Variants in UST observed in about 807,000 individuals in gnomAD.
The protein encoded by UST is uronyl 2-sulfotransferase.
In UST, 21 loss-of-function variants were observed where a neutral mutation model predicts 45.6. The ratio of observed to expected loss-of-function variants is 0.46; its 90% CI spans 0.33 to 0.66. The LOEUF (loss-of-function observed/expected upper bound fraction) is 0.66, where lower values mean the gene tolerates loss of function less well. Ranked by LOEUF, UST falls within the 30% of genes least tolerant of loss-of-function variation. The pLI, the probability that UST is intolerant of heterozygous loss-of-function variation, is 0.02. For synonymous variants in UST, 215 were observed against 200.6 expected, an observed-to-expected ratio of 1.07 and a Z score of -0.61; for missense variants, 463 against 512.4, an observed-to-expected ratio of 0.90 and a Z score of 0.93.
In UST at chr6:148,906,568, A is replaced by G. The variant is rs543556364; in HGVS notation, c.291+19539A>G. On this transcript the variant is annotated intron_variant, in intron 2 of 7. Coordinates refer to ENST00000367463, the MANE Select transcript of UST (RefSeq NM_005715.3). ...GAGAGATGTTATTAGCTTGACTGCC[A>G]TTGTATTAGGTTGGTGCAAAAGTGA... Among the ~76,000 whole-genome samples, 5 of 152,312 alleles carry G rather than the reference A, an allele frequency of 3.3e-5. No homozygotes were observed. In the East Asian group the frequency reaches 5.8e-4, roughly 18 times the overall value.
rs115539124 is a variant in UST at position 148,762,459 on chromosome 6, A to G, written c.247+14782A>G. On this transcript the variant is annotated intron_variant, in intron 1 of 7. Transcript: ENST00000367463. ...TCTGTCATAGAGTGTATGTTTAGCC[A>G]TGTTTTCAGGGGTGCTTCCTAGCGT... 3.7e-3 allele frequency among the ~76,000 whole-genome samples: 554 copies of G among 151,546 alleles called. 2 individuals are homozygous for G. The highest frequency in any genetic ancestry group is 0.013 in the African/African-American group (523 of 41,220).
chr6:148,860,293 G>C (rs1433372810), intron 1 of UST, among the ~76,000 whole-genome samples: 2 of 152,126 alleles, frequency 1.3e-5, no homozygotes, highest in Non-Finnish European at 2.9e-5. Flanking sequence ...TTGGCTCTCT[G>C]TTTGTCTGTT....
intron 1 of UST, among the ~76,000 whole-genome samples, chr6:148,885,932 C>T (rs1161883308): frequency 6.6e-6 from 1 of 152,236 alleles, no homozygotes; most frequent in Non-Finnish European, 1.5e-5. Context: ...TTCTACATTT[C>T]ATTCCATTAG....
intron 7 of UST, among the ~76,000 whole-genome samples, chr6:149,025,607 T>C (rs1038278798): frequency 1.3e-5 from 2 of 152,200 alleles, no homozygotes; most frequent in Admixed American, 1.3e-4. Flanking sequence ...ACCTCACTGG[T>C]TGAACATATA....
At chr6:149,060,348 T>G (rs919440367) in intron 7 of UST, among the ~76,000 whole-genome samples, 4 of 152,196 alleles carry the variant, frequency 2.6e-5, no homozygotes, top group African/African-American at 9.7e-5. Flanking sequence ...AAGGTGGTCT[T>G]AACATGCCAT....
chr6:149,023,244 A>G (rs758065349), intron 7 of UST, among the ~76,000 whole-genome samples: 66 of 152,208 alleles, frequency 4.3e-4, no homozygotes, highest in Non-Finnish European at 7.4e-4. Flanking sequence ...AACACTCTCC[A>G]TAAAAGATAT....
chr6:148,810,914 A>C (rs890207285), intron 1 of UST, among the ~76,000 whole-genome samples: 1 of 152,230 alleles, frequency 6.6e-6, no homozygotes, highest in South Asian at 2.1e-4. Flanking sequence ...TATACTAATT[A>C]ATCTGCATCA....
chr6:148,826,215 C>A (rs1777565361), intron 1 of UST, among the ~76,000 whole-genome samples: 1 of 152,196 alleles, frequency 6.6e-6, no homozygotes, highest in Non-Finnish European at 1.5e-5. Context: ...CAGGTTCAAG[C>A]CATTCTTCTG....
At chr6:149,036,675 G>A (rs988143609) in intron 7 of UST, among the ~76,000 whole-genome samples, 1 of 152,202 alleles carries the variant, frequency 6.6e-6, no homozygotes, top group Non-Finnish European at 1.5e-5. Flanking sequence ...GCCATGATGT[G>A]AATCAAACTA....
At chr6:148,972,810 A>G (rs1172631871) in intron 5 of UST, among the ~76,000 whole-genome samples, 1 of 152,014 alleles carries the variant, frequency 6.6e-6, no homozygotes, top group Non-Finnish European at 1.5e-5. Flanking sequence ...AGGCTTTAAA[A>G]ACTACTGATT....
chr6:148,872,312 G>A (rs1345420081), intron 1 of UST, among the ~76,000 whole-genome samples: 1 of 152,128 alleles, frequency 6.6e-6, no homozygotes, highest in African/African-American at 2.4e-5. Context: ...TCTATATGAG[G>A]CTTGATGAAA....
intron 1 of UST, among the ~76,000 whole-genome samples, chr6:148,841,655 A>G (rs1028616343): frequency 1.3e-5 from 2 of 151,902 alleles, no homozygotes; most frequent in Non-Finnish European, 2.9e-5. Flanking sequence ...GAAGATGCAA[A>G]AGAGCTGTGT....
chr6:149,017,917 A>G (rs569573370), intron 5 of UST, among the ~76,000 whole-genome samples: 83 of 152,112 alleles, frequency 5.5e-4, no homozygotes, highest in African/African-American at 2.0e-3. Context: ...ATACACAATG[A>G]GATGCTCTTA....
chr6:148,766,536 G>A (rs1186105253), intron 1 of UST, among the ~76,000 whole-genome samples: 2 of 152,194 alleles, frequency 1.3e-5, no homozygotes, highest in African/African-American at 2.4e-5. Context: ...ATGGGGCTGT[G>A]TTGTACCTGG....
At chr6:148,954,623 A>G (rs1377098990) in intron 4 of UST, among the ~76,000 whole-genome samples, 1 of 152,218 alleles carries the variant, frequency 6.6e-6, no homozygotes, top group Non-Finnish European at 1.5e-5. Context: ...AGGCCGTGCC[A>G]TCGAGGTTTG....
At chr6:148,891,814 A>G (rs1223885884) in intron 2 of UST, among the ~76,000 whole-genome samples, 1 of 152,260 alleles carries the variant, frequency 6.6e-6, no homozygotes, top group Non-Finnish European at 1.5e-5. Context: ...TTGGGTTCAA[A>G]GGACACTTAA....
chr6:148,791,314 C>A (rs56326382), intron 1 of UST, among the ~76,000 whole-genome samples: 16,845 of 152,190 alleles, frequency 0.11, 1,019 homozygotes, highest in Non-Finnish European at 0.13. Context: ...CATTGGTCAC[C>A]AAGATAGAGG....
intron 1 of UST, among the ~76,000 whole-genome samples, chr6:148,837,325 A>G (rs1777805460): frequency 6.6e-6 from 1 of 152,094 alleles, no homozygotes; most frequent in Non-Finnish European, 1.5e-5. Flanking sequence ...GACAAAGCCT[A>G]CTCCATGCAG....
intron 1 of UST, among the ~76,000 whole-genome samples, chr6:148,789,324 AG>A (rs1225193974): frequency 6.6e-6 from 1 of 151,978 alleles, no homozygotes; most frequent in Non-Finnish European, 1.5e-5. Context: ...GCAGAATCTC[AG>A]GCCCACCCCA....
Sources: allele counts gnomAD v4.1 joint callset (sites outside exome capture counted in the v4.1 genomes callset), GRCh38; gene constraint gnomAD v4.1.1; transcripts MANE v1.5; gene names NCBI Gene and HGNC (gene_info 2026-07-23, HGNC 2026-07-21).